Variants in KCNG3 observed in about 807,000 individuals in gnomAD.
KCNG3 encodes the protein potassium voltage-gated channel modifier subfamily G member 3, also known as voltage-gated potassium channel regulatory subunit KCNG3.
In KCNG3, 15 loss-of-function variants were observed where a neutral mutation model predicts 29.0. That is an observed-to-expected ratio of 0.52 (90% CI 0.35 to 0.80). KCNG3 has a LOEUF of 0.80. Among genes scored for constraint, KCNG3 ranks in the 30% least tolerant of loss-of-function variants. The pLI, the probability that KCNG3 is intolerant of heterozygous loss-of-function variation, is 0.01. For synonymous variants in KCNG3, 322 were observed against 248.9 expected (o/e 1.29, Z -2.76); for missense variants, 512 against 605.7 (o/e 0.85, Z 1.62).
the KCNG3 span, among the ~76,000 whole-genome samples, chr2:42,422,029 G>A: frequency 1.3e-5 from 2 of 152,162 alleles, no homozygotes; most frequent in Non-Finnish European, 2.9e-5. Context: ...ATGTAATGAA[G>A]TAAAAGCCAG....
the KCNG3 span, among the ~76,000 whole-genome samples, chr2:42,426,938 A>G: frequency 1.4e-3 from 214 of 152,372 alleles, no homozygotes; most frequent in Non-Finnish European, 2.6e-3. Context: ...AAAGTGAGGT[A>G]TAACTTTACT....
downstream of KCNG3, among the ~76,000 whole-genome samples, chr2:42,439,115 G>A (rs1216056808): frequency 1.3e-5 from 2 of 152,022 alleles, no homozygotes; most frequent in Non-Finnish European, 1.5e-5. Context: ...GTGCACAACT[G>A]TACAGTAATT....
intron 1 of KCNG3, among the ~76,000 whole-genome samples, chr2:42,460,864 A>T (rs1326155257): frequency 6.6e-6 from 1 of 152,088 alleles, no homozygotes; most frequent in Non-Finnish European, 1.5e-5. Flanking sequence ...TGATTTTCTT[A>T]ACTGATAAAA....
At chr2:42,412,740 A>C in the KCNG3 span, among the ~76,000 whole-genome samples, 2 of 152,104 alleles carry the variant, frequency 1.3e-5, no homozygotes, top group East Asian at 3.8e-4. Flanking sequence ...TATACTAGTA[A>C]TTGAGAATTT....
chr2:42,477,386 T>TACACACACAC (rs1198473558), intron 1 of KCNG3, among the ~76,000 whole-genome samples: 16 of 103,400 alleles, frequency 1.5e-4, no homozygotes, highest in East Asian at 1.1e-3. Context: ...CACACATATA[T>TACACACACAC]ATACACACAC....
the KCNG3 span, among the ~76,000 whole-genome samples, chr2:42,405,607 T>G: frequency 1.3e-5 from 2 of 150,440 alleles, no homozygotes; most frequent in African/African-American, 4.9e-5. Context: ...TGTGACTAAT[T>G]TTTTTTTTTT....
At chr2:42,484,734 A>G (rs557088811) in intron 1 of KCNG3, among the ~76,000 whole-genome samples, 2 of 152,370 alleles carry the variant, frequency 1.3e-5, no homozygotes, top group South Asian at 4.1e-4. Context: ...TGTTGAAAAT[A>G]ACTTGCTTAC....
At chr2:42,428,781 G>C in the KCNG3 span, among the ~76,000 whole-genome samples, 1 of 152,182 alleles carries the variant, frequency 6.6e-6, no homozygotes, top group Non-Finnish European at 1.5e-5. Context: ...CCACAGTGAT[G>C]TCAGGTGTCA....
the KCNG3 span, among the ~76,000 whole-genome samples, chr2:42,408,976 G>A: frequency 1.3e-5 from 2 of 152,124 alleles, no homozygotes; most frequent in African/African-American, 2.4e-5. Flanking sequence ...TGCTTGTGGT[G>A]GTACCTGGTC....
intron 1 of KCNG3, among the ~76,000 whole-genome samples, chr2:42,456,546 T>C (rs1672877646): frequency 6.6e-6 from 1 of 152,110 alleles, no homozygotes; most frequent in Non-Finnish European, 1.5e-5. Context: ...GTGACCATTA[T>C]TATTACTGCA....
chr2:42,459,242 T>C (rs1672954663), intron 1 of KCNG3, among the ~76,000 whole-genome samples: 1 of 151,174 alleles, frequency 6.6e-6, no homozygotes, highest in Non-Finnish European at 1.5e-5. Flanking sequence ...CAGAATGGTA[T>C]TATGGTTTTA....
intron 1 of KCNG3, among the ~76,000 whole-genome samples, chr2:42,487,056 C>G (rs980026867): frequency 1.3e-5 from 2 of 149,618 alleles, no homozygotes; most frequent in Admixed American, 6.8e-5. Context: ...AGTTGGGAGG[C>G]TGAGACAGAA....
intron 1 of KCNG3, among the ~76,000 whole-genome samples, chr2:42,492,279 G>C (rs1198381157): frequency 6.6e-6 from 1 of 152,158 alleles, no homozygotes; most frequent in South Asian, 2.1e-4. Flanking sequence ...GGGAAGAAAA[G>C]GGCACAGACA....
At chr2:42,447,812 C>T (rs767997467) in intron 1 of KCNG3, among the ~76,000 whole-genome samples, 2 of 152,118 alleles carry the variant, frequency 1.3e-5, no homozygotes, top group Non-Finnish European at 2.9e-5. Context: ...ACTGGAATTA[C>T]AGGCATGAGC....
chr2:42,429,597 A>G, the KCNG3 span, among the ~76,000 whole-genome samples: 1 of 152,178 alleles, frequency 6.6e-6, no homozygotes, highest in Non-Finnish European at 1.5e-5. Context: ...GACACTGCAC[A>G]AAGTCTCTGT....
the KCNG3 span, among the ~76,000 whole-genome samples, chr2:42,411,291 C>A: frequency 6.6e-6 from 1 of 152,090 alleles, no homozygotes; most frequent in African/African-American, 2.4e-5. Context: ...ATATTAGAAT[C>A]AGCATATCTA....
the KCNG3 span, among the ~76,000 whole-genome samples, chr2:42,406,431 CTGGTCT>C: frequency 6.6e-6 from 1 of 150,512 alleles, no homozygotes; most frequent in African/African-American, 2.4e-5. Context: ...ATTGGTCAGG[CTGGTCT>C]TGAACTCCTG....
At chr2:42,439,101 A>G (rs1672423851), downstream of KCNG3, among the ~76,000 whole-genome samples, 2 of 152,190 alleles carry the variant, frequency 1.3e-5, no homozygotes, top group Admixed American at 6.5e-5. Flanking sequence ...ATACATGTGG[A>G]TGAGTGCACA....
At chr2:42,412,464 T>C in the KCNG3 span, among the ~76,000 whole-genome samples, 1 of 152,234 alleles carries the variant, frequency 6.6e-6, no homozygotes, top group Non-Finnish European at 1.5e-5. Context: ...CTTATGTTTG[T>C]ATGTGTAAAA....
Sources: gnomAD v4.1 joint callset for allele counts (sites outside exome capture counted in the v4.1 genomes callset) on GRCh38, gnomAD v4.1.1 for gene constraint, MANE v1.5 for transcripts, NCBI Gene and HGNC (gene_info 2026-07-23, HGNC 2026-07-21) for gene names.